Variants in EML6 observed in about 807,000 individuals in gnomAD.
EML6 encodes echinoderm microtubule-associated protein-like 6.
Under a neutral mutation model 240.1 loss-of-function variants are expected in EML6, and 154 were observed. That is an observed-to-expected ratio of 0.64 (90% CI 0.56 to 0.73). The LOEUF (loss-of-function observed/expected upper bound fraction) is 0.73, where lower values mean the gene tolerates loss of function less well. Among genes scored for constraint, EML6 ranks in the 30% least tolerant of loss-of-function variants. The pLI is 0.00. For synonymous variants in EML6, 1,148 were observed against 899.0 expected (o/e 1.28, Z -4.95); for missense variants, 2,964 against 2,474.6 (o/e 1.20, Z -4.20).
At chr2:54,836,106 C>T (rs1669127076) in intron 7 of EML6, among the ~76,000 whole-genome samples, 1 of 152,190 alleles carries the variant, frequency 6.6e-6, no homozygotes, top group Admixed American at 6.5e-5. Context: ...TAGAAGAACA[C>T]TGCAGAGGCC....
intron 12 of EML6, among the ~76,000 whole-genome samples, chr2:54,860,640 C>T (rs551202071): frequency 6.6e-6 from 1 of 152,326 alleles, no homozygotes; most frequent in Non-Finnish European, 1.5e-5. Context: ...ATAGCTTCCA[C>T]TCAAGGAAAT....
intron 13 of EML6, 85 bp downstream of exon 13, chr2:54,863,974 G>A: frequency 1.4e-6 from 1 of 704,570 alleles, no homozygotes; most frequent in Admixed American, 3.4e-5. Flanking sequence ...AAAATGACTG[G>A]CACTTAGACA....
chr2:54,857,775 G>A (rs999353759), intron 11 of EML6, among the ~76,000 whole-genome samples: 1 of 152,070 alleles, frequency 6.6e-6, no homozygotes, highest in African/African-American at 2.4e-5. Flanking sequence ...AACAGCAAAG[G>A]CCTAGAAGCA....
chr2:54,896,107 A>G (rs1672750246), intron 21 of EML6, among the ~76,000 whole-genome samples: 1 of 152,144 alleles, frequency 6.6e-6, no homozygotes, highest in South Asian at 2.1e-4. Context: ...CCAGTTATTC[A>G]TGTCCCTACC....
chr2:54,725,355 A>T lies in EML6; in HGVS notation c.197+97A>T. On this transcript the variant is annotated intron_variant, in intron 2 of 41. Coordinates refer to ENST00000356458, the MANE Select transcript of EML6 (RefSeq NM_001039753.4). This position sits in a 1 kb window ranked among gnomAD's most constrained non-coding sequence, Gnocchi z 4.3. ...GGGGTCGGATCCGGGAGCCCCGTGG[A>T]ATAGAGGATTCTCTCTGGAGCCGCA... 1.1e-6 allele frequency: 1 copy of T among 902,318 alleles called. No individual in the cohort carries two copies. The allele number at this position is 902,318 out of a possible 1,614,324, so 55.9% of individuals were successfully genotyped here. A position where few individuals can be genotyped will look rare whatever the true frequency, so the allele number is the denominator to read the frequency against.
At chr2:54,906,041 C>T (rs1381396815) in intron 24 of EML6, among the ~76,000 whole-genome samples, 3 of 152,198 alleles carry the variant, frequency 2.0e-5, no homozygotes, top group African/African-American at 7.2e-5. Flanking sequence ...AGGTATATGC[C>T]CAAGGGTGTA....
chr2:54,738,503 G>A (rs1033752508), intron 2 of EML6, among the ~76,000 whole-genome samples: 1 of 152,100 alleles, frequency 6.6e-6, no homozygotes, highest in African/African-American at 2.4e-5. Flanking sequence ...CAACACACCT[G>A]TAACCTTGCT....
intron 12 of EML6, among the ~76,000 whole-genome samples, chr2:54,860,442 GC>G (rs1670615522): frequency 6.6e-6 from 1 of 152,090 alleles, no homozygotes; most frequent in Non-Finnish European, 1.5e-5. Flanking sequence ...ATTTCCGGAG[GC>G]TACTTGGCGG....
In EML6 at chr2:54,895,400, G is replaced by A; in HGVS notation, c.2982G>A (p.Gln994=). ...GTGGCCCAATGACACTGCTTGTTCAGGTACTGTTTGTATGTATTCTAAACT... is the reference window on the plus strand; with the variant it reads ...GTGGCCCAATGACACTGCTTGTTCAAGTACTGTTTGTATGTATTCTAAACT... ...DKSGPMTLLV[Q]GHMEGEVWGL... The change falls in exon 21 of 42, where the codon CAG becomes CAA. Residue 994 remains glutamine, a splice_region_variant and synonymous_variant. Transcript: ENST00000356458. The A allele has an allele frequency of 1.3e-6, 2 of 1,551,782 alleles. No individual in the cohort carries two copies. The highest frequency in any genetic ancestry group is 2.4e-5 in the East Asian group (1 of 40,910).
intron 24 of EML6, among the ~76,000 whole-genome samples, chr2:54,910,453 G>A (rs541718657): frequency 5.3e-5 from 8 of 152,362 alleles, no homozygotes; most frequent in African/African-American, 1.9e-4. Flanking sequence ...GGGTGGGGAA[G>A]GAATGAGCAT....
chr2:54,789,824 T>A (rs1669330572), intron 2 of EML6, among the ~76,000 whole-genome samples: 1 of 152,316 alleles, frequency 6.6e-6, no homozygotes, highest in African/African-American at 2.4e-5. Context: ...CCAGCACACA[T>A]GCTGCTTTCC....
intron 2 of EML6, among the ~76,000 whole-genome samples, chr2:54,785,499 G>A (rs1407967761): frequency 6.6e-6 from 1 of 151,966 alleles, no homozygotes; most frequent in Non-Finnish European, 1.5e-5. Context: ...GCCTTTTAAG[G>A]GATACTCACA....
intron 17 of EML6, among the ~76,000 whole-genome samples, chr2:54,884,525 C>T (rs1672016436): frequency 1.3e-5 from 2 of 152,150 alleles, no homozygotes; most frequent in African/African-American, 4.8e-5. Context: ...TTCTGGTGAC[C>T]CATCCTGAAG....
At chr2:54,902,118 G>A (rs193185119) in intron 22 of EML6, among the ~76,000 whole-genome samples, 1 of 152,126 alleles carries the variant, frequency 6.6e-6, no homozygotes, top group Non-Finnish European at 1.5e-5. Context: ...GCAACTAAAA[G>A]AATGAGGTCC....
At chr2:54,802,094 G>A (rs1464243158) in intron 2 of EML6, among the ~76,000 whole-genome samples, 1 of 152,078 alleles carries the variant, frequency 6.6e-6, no homozygotes, top group African/African-American at 2.4e-5. Flanking sequence ...TATAGGCTAG[G>A]CACGGTGCTG....
In EML6 at chr2:54,938,702, T is replaced by C. The variant is rs543055451; in HGVS notation, c.4004+9951T>C. On this transcript the variant is annotated intron_variant, in intron 28 of 41. Coordinates refer to ENST00000356458, the MANE Select transcript of EML6 (RefSeq NM_001039753.4). ...TGCCTCAGGCCCAGGCTTCACGCTG[T>C]CTGAGGTTCTCTTCAGCACAATGTG... Among the ~76,000 whole-genome samples the C allele has an allele frequency of 5.9e-5, 9 of 152,360 alleles. No homozygotes were observed. The South Asian group carries it at 1.7e-3, about 28-fold the overall frequency.
chr2:54,960,360 G>A, intron 35 of EML6, 26 bp downstream of exon 35: 2 of 1,513,278 alleles, frequency 1.3e-6, no homozygotes, highest in East Asian at 2.5e-5. Context: ...TCCCCTGGGG[G>A]CTGGGCCAGG....
rs367874704 is a variant in EML6 at position 54,928,245 on chromosome 2, C to A, written c.3676-68C>A. The A allele has an allele frequency of 5.8e-6, 7 of 1,213,794 alleles. No individual in the cohort carries two copies. The East Asian group carries it at 1.8e-4, about 31-fold the overall frequency. 75.2% of individuals were successfully genotyped at this position (1,213,794 alleles called of 1,614,324 possible). A position where few individuals can be genotyped will look rare whatever the true frequency, so the allele number is the denominator to read the frequency against. The stretch of plus-strand genomic sequence containing the variant: ...TTCCTTTGTATCCAGTAGAAACTAA[C>A]ATGGATAAACGAGCCCAGAGAAAGG... On this transcript the variant is annotated intron_variant, in intron 26 of 41. Coordinates refer to ENST00000356458, the MANE Select transcript of EML6 (RefSeq NM_001039753.4).
At chr2:54,857,412 G>A (rs1207880970) in intron 11 of EML6, among the ~76,000 whole-genome samples, 2 of 152,196 alleles carry the variant, frequency 1.3e-5, no homozygotes, top group Non-Finnish European at 2.9e-5. Flanking sequence ...CCTTATGAGA[G>A]ACAGGTGTGG....
Sources: gnomAD v4.1 joint callset for allele counts (sites outside exome capture counted in the v4.1 genomes callset) on GRCh38, gnomAD v4.1.1 for gene constraint, Gnocchi (gnomAD v3.1) non-coding constraint, MANE v1.5 for transcripts, NCBI Gene and HGNC (gene_info 2026-07-23, HGNC 2026-07-21) for gene names.